SGMS1: variants seen among roughly 807,000 people sequenced by gnomAD.
SGMS1 encodes the protein sphingomyelin synthase 1.
SGMS1 carries 13 observed loss-of-function variants against 46.2 expected under a neutral mutation model. The ratio of observed to expected loss-of-function variants is 0.28; its 90% CI spans 0.18 to 0.45. SGMS1 has a LOEUF of 0.45. Among genes scored for constraint, SGMS1 ranks in the 20% least tolerant of loss-of-function variants. The pLI is 1.00. For synonymous variants in SGMS1, 203 were observed against 187.8 expected, an observed-to-expected ratio of 1.08 and a Z score of -0.66; for missense variants, 324 against 519.9, an observed-to-expected ratio of 0.62 and a Z score of 3.66.
At chr10:50,330,411 G>T (rs1847603177) in intron 7 of SGMS1, among the ~76,000 whole-genome samples, 1 of 152,180 alleles carries the variant, frequency 6.6e-6, no homozygotes. Flanking sequence ...CCGGAGCCTG[G>T]GAGTTAGAGG....
chr10:50,502,305 A>AG (rs1203773456), intron 3 of SGMS1, among the ~76,000 whole-genome samples: 3 of 95,316 alleles, frequency 3.1e-5, no homozygotes, highest in Non-Finnish European at 4.2e-5. Context: ...AAATGAGGAA[A>AG]GAAAAAAAAA....
chr10:50,623,530 G>A, intron 1 of SGMS1, 177 bp downstream of exon 1: 5 of 964,440 alleles, frequency 5.2e-6, no homozygotes, highest in Non-Finnish European at 6.2e-6. Flanking sequence ...GGGAGCAGCA[G>A]CTCTGGAGGA....
chr10:50,376,455 T>G (rs1367164730), intron 6 of SGMS1, among the ~76,000 whole-genome samples: 1 of 152,204 alleles, frequency 6.6e-6, no homozygotes, highest in Non-Finnish European at 1.5e-5. Flanking sequence ...AATTATACTT[T>G]AAGTTCTAGG....
chr10:50,505,104 T>C (rs1443963526), intron 3 of SGMS1, among the ~76,000 whole-genome samples: 2 of 152,174 alleles, frequency 1.3e-5, no homozygotes, highest in African/African-American at 4.8e-5. Flanking sequence ...TAGTCCCAGC[T>C]ACTTGGGAGG....
intron 6 of SGMS1, among the ~76,000 whole-genome samples, chr10:50,426,447 A>T (rs1359057220): frequency 6.6e-6 from 1 of 152,220 alleles, no homozygotes; most frequent in Admixed American, 6.5e-5. Context: ...TATGAAATGT[A>T]GTATTAAAGT....
rs556546336 is a variant in SGMS1 at position 50,613,760 on chromosome 10, C to T, written c.-684+9947G>A. 5.3e-5 allele frequency among the ~76,000 whole-genome samples: 8 copies of T among 152,316 alleles called. No homozygotes were observed. The South Asian group carries it at 1.5e-3, about 28-fold the overall frequency. On this transcript the variant is annotated intron_variant, in intron 1 of 10. Transcript: ENST00000361781. ...AAATATTTAAATTATAAAAGGTTTTCGTCCCGAGGTTTTATATATGTAACA... is the reference window on the plus strand; with the variant it reads ...AAATATTTAAATTATAAAAGGTTTTTGTCCCGAGGTTTTATATATGTAACA...
At chr10:50,624,559 G>T, upstream of SGMS1, 1 of 982,832 alleles carries the variant, frequency 1.0e-6, no homozygotes, top group Non-Finnish European at 1.2e-6. Context: ...ACCGCGCGAG[G>T]TGAAAACTCC....
chr10:50,428,342 T>G (rs1193415392), intron 6 of SGMS1, among the ~76,000 whole-genome samples: 1 of 152,164 alleles, frequency 6.6e-6, no homozygotes, highest in African/African-American at 2.4e-5. Context: ...CACAAATTAT[T>G]GTCACTGACA....
chr10:50,527,490 C>T (rs1308734250), intron 2 of SGMS1, among the ~76,000 whole-genome samples: 1 of 152,116 alleles, frequency 6.6e-6, no homozygotes, highest in African/African-American at 2.4e-5. Flanking sequence ...GTTGCACAGC[C>T]TGTAATTGGC....
At chr10:50,553,980 A>C (rs1018060067) in intron 2 of SGMS1, among the ~76,000 whole-genome samples, 7 of 152,200 alleles carry the variant, frequency 4.6e-5, no homozygotes, top group Admixed American at 2.0e-4. Context: ...TCTTGGTACA[A>C]TATATGAAAG....
In SGMS1 at chr10:50,307,877, A is replaced by AAGAAAG. The variant is rs1847199232; in HGVS notation, c.1062+99_1062+104dup. ...ATACAATCTTAGTTGATTACTACTTAAGAAAGAGAAACTTCAGACATCCAC... is the reference window on the plus strand; with the variant it reads ...ATACAATCTTAGTTGATTACTACTTAAGAAAGAGAAAGAGAAACTTCAGACATCCAC... On this transcript the variant is annotated intron_variant, in intron 10 of 10. Coordinates refer to ENST00000361781, the MANE Select transcript of SGMS1 (RefSeq NM_147156.4). The surrounding 1 kb of genome is among the most constrained non-coding windows in gnomAD (Gnocchi z 4.2). The AAGAAAG allele has an allele frequency of 1.0e-5, 11 of 1,090,572 alleles. No homozygotes were observed. In the African/African-American group the frequency reaches 1.3e-4, roughly 13 times the overall value. The allele number at this position is 1,090,572 out of a possible 1,614,324, so 67.6% of individuals were successfully genotyped here.
At chr10:50,393,689 T>TAGAG (rs1169973318) in intron 6 of SGMS1, among the ~76,000 whole-genome samples, 2 of 152,188 alleles carry the variant, frequency 1.3e-5, no homozygotes, top group East Asian at 3.9e-4. Context: ...GACCAATTAC[T>TAGAG]AGAGGTATCT....
At chr10:50,428,886 C>G (rs1278848500) in intron 6 of SGMS1, among the ~76,000 whole-genome samples, 2 of 152,208 alleles carry the variant, frequency 1.3e-5, no homozygotes, top group African/African-American at 4.8e-5. Flanking sequence ...TTTACTACAC[C>G]TAACATACCT....
At chr10:50,322,791 C>T (rs1249021191) in intron 8 of SGMS1, among the ~76,000 whole-genome samples, 6 of 144,612 alleles carry the variant, frequency 4.1e-5, no homozygotes. Flanking sequence ...GAGATTGCGC[C>T]ACTGCAGTCC....
intron 1 of SGMS1, among the ~76,000 whole-genome samples, chr10:50,601,456 G>A (rs1310853701): frequency 1.3e-5 from 2 of 152,168 alleles, no homozygotes; most frequent in African/African-American, 4.8e-5. Flanking sequence ...ATAGACAAGA[G>A]GACCACTTAA....
chr10:50,372,813 T>C (rs753251906), intron 6 of SGMS1, among the ~76,000 whole-genome samples: 1 of 152,224 alleles, frequency 6.6e-6, no homozygotes, highest in Non-Finnish European at 1.5e-5. Context: ...TGAGCCCTAC[T>C]GGCCTTGGTA....
At chr10:50,584,129 G>T (rs565685520) in intron 2 of SGMS1, among the ~76,000 whole-genome samples, 1 of 152,146 alleles carries the variant, frequency 6.6e-6, no homozygotes, top group South Asian at 2.1e-4. Context: ...TCACTAAAAA[G>T]AATATGACTG....
At chr10:50,590,704 C>T (rs1325743601) in intron 1 of SGMS1, 1 of 152,090 alleles carries the variant, frequency 6.6e-6, no homozygotes, top group Non-Finnish European at 1.5e-5. Context: ...CTAAAAGAGC[C>T]TTACAGTGTA....
intron 5 of SGMS1, among the ~76,000 whole-genome samples, chr10:50,439,980 C>T (rs915124956): frequency 1.3e-5 from 2 of 152,130 alleles, no homozygotes; most frequent in African/African-American, 4.8e-5. Context: ...TATCTGGATA[C>T]AAGCAAATGA....
Sources: allele counts gnomAD v4.1 joint callset (sites outside exome capture counted in the v4.1 genomes callset), GRCh38; gene constraint gnomAD v4.1.1; non-coding constraint Gnocchi (gnomAD v3.1); transcripts MANE v1.5; gene names NCBI Gene and HGNC (gene_info 2026-07-23, HGNC 2026-07-21).